RAB4B: variants seen among roughly 807,000 people sequenced by gnomAD.
RAB4B encodes the protein ras-related protein Rab-4B.
A neutral mutation model predicts 28.3 loss-of-function variants in RAB4B; 15 were observed. The observed-to-expected ratio is 0.53, with a 90% CI of 0.35 to 0.82. RAB4B has a LOEUF of 0.82. RAB4B is among the 40% of genes least tolerant of loss of function. RAB4B has a pLI of 0.01. For synonymous variants in RAB4B, 108 were observed against 116.3 expected, an observed-to-expected ratio of 0.93 and a Z score of 0.46; for missense variants, 244 against 288.5, an observed-to-expected ratio of 0.85 and a Z score of 1.12.
rs201855902 is a variant in RAB4B, at chr19:40,783,975, C to A, written c.330C>A (p.Ala110=). ...AAWLTDARTL[A]SPNIVVILCG... is the part of the protein sequence containing the mutation. ...GGCTGACGGATGCCCGCACCCTGGC[C>A]AGCCCCAACATCGTGGTCATCCTCT... is the stretch of plus-strand genomic sequence containing the variant. The change falls in exon 5 of 8, where the codon GCC becomes GCA. Residue 110 remains alanine, a synonymous_variant. Coordinates refer to ENST00000357052, the MANE Select transcript of RAB4B (RefSeq NM_016154.5). The A allele has an allele frequency of 1.5e-5, 24 of 1,614,066 alleles. No homozygotes were observed. In the Admixed American group the frequency reaches 1.8e-4, roughly 12 times the overall value.
intron 1 of RAB4B, among the ~76,000 whole-genome samples, chr19:40,778,784 C>A (rs997933178): frequency 6.6e-6 from 1 of 152,054 alleles, no homozygotes; most frequent in African/African-American, 2.4e-5. Context: ...TGGGGCTGAT[C>A]TGGCTGGAGA....
At chr19:40,786,500 T>G in intron 5 of RAB4B, 165 bp from the exon 6 acceptor site, 1 of 1,024,470 alleles carries the variant, frequency 9.8e-7, no homozygotes, top group Non-Finnish European at 1.4e-6. Context: ...GGTGGGCATA[T>G]CGGGAAGCGG....
chr19:40,778,438 G>A (rs763687730), intron 1 of RAB4B, 47 bp downstream of exon 1: 29 of 1,411,566 alleles, frequency 2.1e-5, no homozygotes, highest in Middle Eastern at 1.9e-4. Flanking sequence ...GGCCCAGGGA[G>A]GATGCGGCCT....
chr19:40,790,582 C>T (rs1454436061), intron 7 of RAB4B, among the ~76,000 whole-genome samples: 3 of 151,118 alleles, frequency 2.0e-5, no homozygotes, highest in Non-Finnish European at 4.4e-5. Context: ...ACGGTGTTAG[C>T]CAGGATGGTC....
At chr19:40,787,736 G>T (rs2083114993) in intron 7 of RAB4B, among the ~76,000 whole-genome samples, 1 of 148,482 alleles carries the variant, frequency 6.7e-6, no homozygotes, top group Non-Finnish European at 1.5e-5. Flanking sequence ...ATTTGATGGG[G>T]GGTATACATA....
intron 1 of RAB4B, chr19:40,779,691 C>T (rs569840899): frequency 5.2e-4 from 154 of 297,094 alleles, no homozygotes; most frequent in African/African-American, 2.3e-3. Flanking sequence ...TGCGGTGAGC[C>T]GAGATCGCGC....
rs554646916 is a variant in RAB4B, at chr19:40,780,965, G to A, written c.212+466G>A. ...AGCAAGAGAGACAGAGACTAAGAGA[G>A]TTGAAGAGAATGATAAGGGAGGTAA... On this transcript the variant is annotated intron_variant, in intron 3 of 7. Coordinates refer to ENST00000357052, the MANE Select transcript of RAB4B (RefSeq NM_016154.5). Among the ~76,000 whole-genome samples the A allele has an allele frequency of 9.9e-5, 15 of 151,930 alleles. No homozygotes were observed. The South Asian group carries it at 2.9e-3, about 30-fold the overall frequency.
intron 7 of RAB4B, among the ~76,000 whole-genome samples, chr19:40,795,695 GATTTATTTATTT>G (rs563508687): frequency 7.2e-6 from 1 of 139,396 alleles, no homozygotes; most frequent in Non-Finnish European, 1.6e-5. Flanking sequence ...GTGCCTGGCC[GATTTATTTATTT>G]ATTTATTTAT....
intron 7 of RAB4B, among the ~76,000 whole-genome samples, chr19:40,789,527 CAG>C (rs1248831375): frequency 1.3e-4 from 13 of 96,516 alleles, no homozygotes; most frequent in Non-Finnish European, 2.1e-4. Flanking sequence ...TTTTTTGAGA[CAG>C]AGTCTCACTC....
In RAB4B at chr19:40,795,369, T is replaced by TTTTATTTA. The variant is rs10594318; in HGVS notation, c.*16-1168_*16-1161dup. Among the ~76,000 whole-genome samples, 443 of 145,648 alleles carry TTTTATTTA rather than the reference T, an allele frequency of 3.0e-3. 2 individuals carry two copies. The highest frequency in any genetic ancestry group is 9.2e-3 in the African/African-American group (356 of 38,724). ...ACAGAAAGATACAAAGGCAGGTTCA[T>TTTTATTTA]TTTATTTATTTATTTATTTATTTAT... is the stretch of plus-strand genomic sequence containing the variant. On this transcript the variant is annotated intron_variant, in intron 7 of 7. Coordinates refer to ENST00000357052, the MANE Select transcript of RAB4B (RefSeq NM_016154.5).
Position 40,780,494 on chromosome 19 carries a change from G to A in RAB4B, c.207G>A (p.Arg69=), listed in dbSNP as rs2083036337. 1.2e-6 allele frequency: 2 copies of A among 1,613,222 alleles called. No individual in the cohort carries two copies. Among genetic ancestry groups the A allele is most frequent in the Non-Finnish European group, 1.7e-6 (2 of 1,179,648 alleles). ...LQIWDTAGQE[R]FRSVTRSYYR... is the part of the protein sequence containing the mutation. The stretch of plus-strand genomic sequence containing the variant: ...TTTGGGACACGGCTGGCCAGGAGCG[G>A]TTTCGGTAGGTGGGCTGGGCTCCCA... Residue 69 remains arginine (R), a synonymous_variant, in exon 3 of 8, where the codon CGG becomes CGA. Transcript: ENST00000357052.
intron 5 of RAB4B, chr19:40,785,950 G>A: frequency 6.2e-6 from 1 of 160,380 alleles, no homozygotes; most frequent in South Asian, 1.6e-4. Context: ...AGTACTGGGG[G>A]GGCAGGCAGA....
At chr19:40,784,965 C>T (rs1326904905) in intron 5 of RAB4B, among the ~76,000 whole-genome samples, 1 of 151,800 alleles carries the variant, frequency 6.6e-6, no homozygotes, top group Non-Finnish European at 1.5e-5. Context: ...CAGGTGTGCG[C>T]CACAACGCCT....
chr19:40,781,491 A>G (rs936787768), intron 3 of RAB4B, among the ~76,000 whole-genome samples: 1 of 152,022 alleles, frequency 6.6e-6, no homozygotes, highest in African/African-American at 2.4e-5. Context: ...GAGATGGAAC[A>G]GAAAGAGAGA....
intron 7 of RAB4B, among the ~76,000 whole-genome samples, chr19:40,790,966 C>T (rs1018123011): frequency 1.3e-5 from 2 of 150,880 alleles, no homozygotes; most frequent in African/African-American, 4.9e-5. Flanking sequence ...GGTGATTCTT[C>T]TGCCTCAGCC....
intron 3 of RAB4B, among the ~76,000 whole-genome samples, chr19:40,782,619 A>G (rs2083059281): frequency 6.6e-6 from 1 of 151,450 alleles, no homozygotes; most frequent in African/African-American, 2.4e-5. Context: ...TCAATACCAC[A>G]CTGGCCAACA....
intron 3 of RAB4B, among the ~76,000 whole-genome samples, chr19:40,782,695 C>A (rs1793370965): frequency 6.6e-6 from 1 of 151,970 alleles, no homozygotes; most frequent in African/African-American, 2.4e-5. Context: ...TGCCTGTAAT[C>A]CCAGCTACTT....
At chr19:40,795,996 C>T (rs1223449253) in intron 7 of RAB4B, among the ~76,000 whole-genome samples, 5 of 151,806 alleles carry the variant, frequency 3.3e-5, no homozygotes, top group African/African-American at 9.7e-5. Context: ...CATGAGCCAC[C>T]GCGCCCGGCC....
chr19:40,793,441 A>G (rs1315306778), intron 7 of RAB4B, among the ~76,000 whole-genome samples: 1 of 150,578 alleles, frequency 6.6e-6, no homozygotes, highest in Non-Finnish European at 1.5e-5. Context: ...GGGTTTCACC[A>G]TGTTGCTCAG....
Sources: allele counts gnomAD v4.1 joint callset (sites outside exome capture counted in the v4.1 genomes callset), GRCh38; gene constraint gnomAD v4.1.1; transcripts MANE v1.5; gene names NCBI Gene and HGNC (gene_info 2026-07-23, HGNC 2026-07-21).